COA1: variants seen among roughly 807,000 people sequenced by gnomAD.
The protein encoded by COA1 is cytochrome c oxidase assembly factor 1.
A neutral mutation model predicts 16.0 loss-of-function variants in COA1; 13 were observed. The ratio of observed to expected loss-of-function variants is 0.81; its 90% CI spans 0.53 to 1.29. COA1 has a LOEUF of 1.29. Among genes scored for constraint, COA1 ranks in the 50% most tolerant of loss-of-function variants. COA1 has a pLI of 0.00. For synonymous variants in COA1, 65 were observed against 65.7 expected (o/e 0.99, Z 0.05); for missense variants, 179 against 177.0 (o/e 1.01, Z -0.06).
chr7:43,701,017 A>AAG (rs1563417063), intron 1 of COA1, among the ~76,000 whole-genome samples: 3 of 152,136 alleles, frequency 2.0e-5, no homozygotes, highest in South Asian at 2.1e-4. Context: ...TTTTTGTTAA[A>AAG]ACTTACAGCA....
chr7:43,615,925 A>G (rs1378512489), intron 6 of COA1, among the ~76,000 whole-genome samples: 3 of 152,138 alleles, frequency 2.0e-5, no homozygotes, highest in Non-Finnish European at 2.9e-5. Context: ...CCCTAAAGAT[A>G]ACATGCCCAT....
intron 6 of COA1, chr7:43,624,949 A>C: frequency 5.0e-6 from 5 of 991,668 alleles, no homozygotes; most frequent in Non-Finnish European, 7.1e-6. Context: ...AACCAGTATC[A>C]CTTACACAAA....
At chr7:43,655,769 ACTCGC>A (rs2091621282) in intron 1 of COA1, among the ~76,000 whole-genome samples, 1 of 152,114 alleles carries the variant, frequency 6.6e-6, no homozygotes, top group Non-Finnish European at 1.5e-5. Context: ...TGGCTGTATG[ACTCGC>A]TTCAACCAAC....
chr7:43,678,768 C>T (rs1036281297), intron 1 of COA1, among the ~76,000 whole-genome samples: 1 of 152,028 alleles, frequency 6.6e-6, no homozygotes, highest in African/African-American at 2.4e-5. Flanking sequence ...CTACTTCACA[C>T]CCATTAGAAT....
intron 6 of COA1, chr7:43,624,880 G>A: frequency 6.6e-7 from 1 of 1,510,082 alleles, no homozygotes; most frequent in Non-Finnish European, 8.9e-7. Flanking sequence ...TTTCTACATT[G>A]AAAATGTTAA....
intron 1 of COA1, among the ~76,000 whole-genome samples, chr7:43,688,656 T>C (rs1384538973): frequency 3.3e-5 from 5 of 152,108 alleles, no homozygotes; most frequent in African/African-American, 9.7e-5. Flanking sequence ...AGTCCAGATA[T>C]AGTCAGTCCA....
intron 6 of COA1, among the ~76,000 whole-genome samples, chr7:43,621,483 T>G (rs888633725): frequency 6.6e-6 from 1 of 152,200 alleles, no homozygotes; most frequent in Admixed American, 6.5e-5. Context: ...TTTAATGCTT[T>G]CTTTGTTGTT....
chr7:43,648,383 T>C (rs2090012214), intron 2 of COA1: 1 of 643,626 alleles, frequency 1.6e-6, no homozygotes. Context: ...GTTCCCAGAG[T>C]GTTACAGCTT....
intron 1 of COA1, among the ~76,000 whole-genome samples, chr7:43,702,314 C>T (rs1304185258): frequency 6.6e-6 from 1 of 152,036 alleles, no homozygotes; most frequent in Non-Finnish European, 1.5e-5. Context: ...CTGTATATGG[C>T]GAGCCAGTTA....
chr7:43,701,276 C>G (rs982461595), intron 1 of COA1, among the ~76,000 whole-genome samples: 4 of 152,104 alleles, frequency 2.6e-5, no homozygotes, highest in African/African-American at 9.7e-5. Flanking sequence ...TCCTCAAATC[C>G]TCCATCAACA....
chr7:43,719,555 G>C (rs1401069707), intron 1 of COA1, among the ~76,000 whole-genome samples: 1 of 152,164 alleles, frequency 6.6e-6, no homozygotes, highest in East Asian at 1.9e-4. Flanking sequence ...CAGTATTACA[G>C]GTAATCACTG....
At chr7:43,631,928 T>C (rs1265901960) in intron 6 of COA1, 3 of 152,218 alleles carry the variant, frequency 2.0e-5, no homozygotes, top group African/African-American at 7.2e-5. Context: ...AAAAGTACTT[T>C]TAAATGCGAG....
chr7:43,610,668 A>G (rs2082782707), intron 6 of COA1, among the ~76,000 whole-genome samples: 1 of 152,200 alleles, frequency 6.6e-6, no homozygotes, highest in African/African-American at 2.4e-5. Context: ...CTTCGTCTCA[A>G]AAAAAGAACT....
chr7:43,698,539 T>A (rs1237722494), intron 1 of COA1, among the ~76,000 whole-genome samples: 2 of 152,206 alleles, frequency 1.3e-5, no homozygotes, highest in African/African-American at 4.8e-5. Context: ...CCTTTGAGAC[T>A]CATAGGACAA....
intron 4 of COA1, among the ~76,000 whole-genome samples, chr7:43,644,739 TAGATAGATAGATAGATAGATAGGC>T (rs1378760424): frequency 1.2e-5 from 1 of 86,292 alleles, no homozygotes; most frequent in Non-Finnish European, 2.7e-5. Flanking sequence ...GATAGATAGA[TAGATAGATAGATAGATAGATAGGC>T]AGGCAGGCAG....
chr7:43,706,185 T>C (rs754383529), intron 1 of COA1, among the ~76,000 whole-genome samples: 31 of 151,830 alleles, frequency 2.0e-4, no homozygotes, highest in South Asian at 2.1e-4. Flanking sequence ...AAAAAAAAAA[T>C]CTCTTTTACA....
chr7:43,615,895 A>G (rs951191982), intron 6 of COA1, among the ~76,000 whole-genome samples: 10 of 152,038 alleles, frequency 6.6e-5, no homozygotes, highest in African/African-American at 2.4e-4. Context: ...TTGCCTTCTT[A>G]GAGAGGCCTT....
At chr7:43,648,013 T>C (rs2089899348) in intron 2 of COA1, 1 of 219,526 alleles carries the variant, frequency 4.6e-6, no homozygotes, top group Non-Finnish European at 9.1e-6. Flanking sequence ...AGGAAGCTTA[T>C]CCTTTGTGGC....
At chr7:43,613,029 A>G in intron 6 of COA1, among the ~76,000 whole-genome samples, 1 of 152,244 alleles carries the variant, frequency 6.6e-6, no homozygotes, top group East Asian at 1.9e-4. Context: ...TTGGTGAATT[A>G]GTCATTCAGT....
Sources: allele counts gnomAD v4.1 joint callset (sites outside exome capture counted in the v4.1 genomes callset), GRCh38; gene constraint gnomAD v4.1.1; transcripts MANE v1.5; gene names NCBI Gene and HGNC (gene_info 2026-07-23, HGNC 2026-07-21).